TDRD6: variants seen among roughly 807,000 people sequenced by gnomAD.
TDRD6 encodes tudor domain-containing protein 6.
In TDRD6, 186 loss-of-function variants were observed where a neutral mutation model predicts 157.5. The observed-to-expected ratio is 1.18, with a 90% confidence interval of 1.05 to 1.33. The LOEUF (loss-of-function observed/expected upper bound fraction) is 1.33. Among genes scored for constraint, TDRD6 ranks in the 40% most tolerant of loss-of-function variants. The pLI is 0.00. For missense variants in TDRD6, 3,066 were observed against 2,508.0 expected, an observed-to-expected ratio of 1.22 and a Z score of -4.75; for synonymous variants, 1,075 against 945.2, an observed-to-expected ratio of 1.14 and a Z score of -2.52.
At chr6:46,698,187 G>A in intron 3 of TDRD6, 100 bp downstream of exon 3, 5 of 780,216 alleles carry the variant, frequency 6.4e-6, no homozygotes, top group East Asian at 5.4e-5. Context: ...TGGAAAAATG[G>A]GAGAAAAATC....
chr6:46,691,156 A>G lies in TDRD6; in HGVS notation c.3028A>G (p.Asn1010Asp). The G allele has an allele frequency of 6.2e-7, 1 of 1,613,724 alleles. No individual in the cohort carries two copies. The highest frequency in any genetic ancestry group is 8.5e-7 in the Non-Finnish European group (1 of 1,179,868). ...TTATTGCCAGCTGGCAAGAAATGCA[A>G]ATATTTTAGAACAGTTGTCATGTAG... is the stretch of plus-strand genomic sequence containing the variant. Reference protein sequence around the residue: ...TFYCQLARNANILEQLSCSIT... With the variant: ...TFYCQLARNADILEQLSCSIT... Residue 1010 changes from asparagine (N) to aspartate (D), a missense_variant, in exon 1 of 4, where the codon AAT becomes GAT. Transcript: ENST00000316081.
Position 46,702,471 on chromosome 6 carries a change from T to C in TDRD6, c.*584T>C, listed in dbSNP as rs970886276. The stretch of plus-strand genomic sequence containing the variant: ...TTAAAAAGGAAATAGAACTCTTAAA[T>C]ATACTTGGTTCCATCTCTCCTCTGT... On this transcript the variant is annotated 3_prime_UTR_variant, in exon 4 of 4. Transcript: ENST00000316081. 6.6e-6 allele frequency: 1 copy of C among 152,178 alleles called. No individual in the cohort carries two copies. Among genetic ancestry groups the C allele is most frequent in the Non-Finnish European group, 1.5e-5 (1 of 68,004 alleles). The allele number at this position is 152,178 out of a possible 1,614,324, so 9.4% of individuals were successfully genotyped here.
Position 46,692,611 on chromosome 6 carries a change from G to T in TDRD6, c.4483G>T (p.Ala1495Ser). The change falls in exon 1 of 4, where the codon GCC becomes TCC. Residue 1495 changes from alanine to serine, a missense_variant. Ala to Ser is a moderately conservative substitution (Grantham distance 99). Transcript: ENST00000316081. ...VELSTQVIKS[A>S]SSKSVNKSDI... ...ACTTTCTACCCAAGTAATTAAAAGT[G>T]CCAGTTCAAAGTCTGTTAACAAATC... 5 of 1,613,516 alleles carry T rather than the reference G, an allele frequency of 3.1e-6. No individual in the cohort carries two copies. Among genetic ancestry groups the T allele is most frequent in the South Asian group, 1.1e-5 (1 of 91,006 alleles).
At chr6:46,701,709 A>C in intron 3 of TDRD6, 149 bp from the exon 4 acceptor site, 1 of 583,594 alleles carries the variant, frequency 1.7e-6, no homozygotes, top group Admixed American at 3.2e-5. Flanking sequence ...TTGTTTCTAT[A>C]GAAATAATGC....
At position 46,693,861 on chromosome 6, in the gene TDRD6, A is replaced by C. The variant is rs558755198; in HGVS notation, c.5733A>C (p.Thr1911=). Reference sequence around the variant, plus strand: ...AACAGCCAGAACTAGAACTACCTACAGCCCAGCTGCCTTTAGATGACAAGA... The same window carrying C: ...AACAGCCAGAACTAGAACTACCTACCGCCCAGCTGCCTTTAGATGACAAGA... ...AEKQPELELP[T]AQLPLDDKMD... is the part of the protein sequence containing the mutation. The change falls in exon 1 of 4, where the codon ACA becomes ACC. Residue 1911 remains threonine (T), a synonymous_variant. Transcript: ENST00000316081. 3.1e-6 allele frequency: 5 copies of C among 1,614,214 alleles called. No individual in the cohort carries two copies. The East Asian group carries it at 1.1e-4, about 36-fold the overall frequency.
At position 46,693,221 on chromosome 6, in the gene TDRD6, ATTCT is replaced by A; in HGVS notation, c.5094_5097del (p.Tyr1698Ter). 6.2e-7 allele frequency: 1 copy of A among 1,612,970 alleles called. No homozygotes were observed. Among genetic ancestry groups the A allele is most frequent in the Non-Finnish European group, 8.5e-7 (1 of 1,179,684 alleles). On this transcript the variant is annotated frameshift_variant, in exon 1 of 4. Coordinates refer to ENST00000316081, the MANE Select transcript of TDRD6 (RefSeq NM_001010870.3). LOFTEE classifies it high-confidence loss of function. ...AGTATTAATGAGAAAATGGAGAAATATTCTAAGACTGGTATTAAAAGTGCTCTTC... is the reference window on the plus strand; with the variant it reads ...AGTATTAATGAGAAAATGGAGAAATAAAGACTGGTATTAAAAGTGCTCTTC...
Position 46,688,578 on chromosome 6 carries a change from GC to G in TDRD6, c.453del (p.Ala152ProfsTer99). ...GCTCAGGCGAGCCGCCGCAGCACTG[GC>G]CCGCCGACGCCGTGGACTTCCTTAG... ...AGSGEPPQHW[P>X]ADAVDFLSNL... is the part of the protein sequence containing the mutation. On this transcript the variant is annotated frameshift_variant, in exon 1 of 4. Coordinates refer to ENST00000316081, the MANE Select transcript of TDRD6 (RefSeq NM_001010870.3). LOFTEE classifies it high-confidence loss of function. The G allele has an allele frequency of 1.9e-6, 3 of 1,596,652 alleles. No individual in the cohort carries two copies. The highest frequency in any genetic ancestry group is 2.5e-6 in the Non-Finnish European group (3 of 1,178,472).
upstream of TDRD6, among the ~76,000 whole-genome samples, chr6:46,685,135 A>T (rs1486406241): frequency 6.8e-6 from 1 of 147,806 alleles, no homozygotes; most frequent in African/African-American, 2.5e-5. Flanking sequence ...TTTCAAATTT[A>T]TTTTTTTTAC....
Position 46,692,249 on chromosome 6 carries a change from T to C in TDRD6, c.4121T>C (p.Ile1374Thr). 1 of 1,614,050 alleles carries C rather than the reference T, an allele frequency of 6.2e-7. No individual in the cohort carries two copies. The highest frequency in any genetic ancestry group is 1.6e-4 in the Middle Eastern group (1 of 6,062). ...GATAATTTATGGTATCGTGCTGTGA[T>C]CAAGGAGCAACAACCCAATGACCTT... ...PEDNLWYRAV[I>T]KEQQPNDLLS... Residue 1374 changes from isoleucine (I) to threonine (T), a missense_variant, in exon 1 of 4, where the codon ATC (isoleucine) becomes ACC (threonine). By Grantham distance (89) the Ile-to-Thr change is moderately conservative. Coordinates refer to ENST00000316081, the MANE Select transcript of TDRD6 (RefSeq NM_001010870.3).
rs763042409 is a variant in TDRD6, at chr6:46,691,767, T to C, written c.3639T>C (p.Tyr1213=). 8.1e-6 allele frequency: 13 copies of C among 1,595,598 alleles called. No homozygotes were observed. The Admixed American group carries it at 1.3e-4, about 16-fold the overall frequency. Residue 1213 remains tyrosine, a synonymous_variant, in exon 1 of 4, where the codon TAT becomes TAC. Transcript: ENST00000316081. The part of the protein sequence containing the change: ...LPNKEILEES[Y]KPQINSSYKE... ...ATAAAGAAATTTTGGAAGAGTCATATAAACCTCAGATCAACTCATCATACA... is the reference window on the plus strand; with the variant it reads ...ATAAAGAAATTTTGGAAGAGTCATACAAACCTCAGATCAACTCATCATACA...
chr6:46,688,955 T>C lies in TDRD6; in HGVS notation c.827T>C (p.Ile276Thr), dbSNP rs1286970162. ...CAGCTCCGCAGCGTCTCGCAGGAGA[T>C]CCACCGCCTCTCCGAGAGCATGGCC... Reference protein sequence around the residue: ...HCQLRSVSQEIHRLSESMAQV... With the variant: ...HCQLRSVSQETHRLSESMAQV... The change falls in exon 1 of 4, where the codon ATC becomes ACC. Residue 276 changes from isoleucine (I) to threonine (T), a missense_variant. Coordinates refer to ENST00000316081, the MANE Select transcript of TDRD6 (RefSeq NM_001010870.3). The C allele has an allele frequency of 1.9e-6, 3 of 1,612,714 alleles. No individual in the cohort carries two copies. The South Asian group carries it at 3.3e-5, about 18-fold the overall frequency.
chr6:46,682,055 T>C, the TDRD6 span, among the ~76,000 whole-genome samples: 1 of 152,112 alleles, frequency 6.6e-6, no homozygotes, highest in African/African-American at 2.4e-5. Flanking sequence ...GTAAGTTTTG[T>C]TTTACGTATA....
chr6:46,694,688 T>C (rs923259922), intron 1 of TDRD6, among the ~76,000 whole-genome samples: 9 of 152,214 alleles, frequency 5.9e-5, no homozygotes, highest in South Asian at 4.1e-4. Context: ...CACTGAAATA[T>C]TAGTTTTGTG....
rs1230456845 is a variant in TDRD6, at chr6:46,693,809, A to G, written c.5681A>G (p.Gln1894Arg). 6.2e-7 allele frequency: 1 copy of G among 1,614,220 alleles called. No homozygotes were observed. The highest frequency in any genetic ancestry group is 8.5e-7 in the Non-Finnish European group (1 of 1,180,030). ...TKGAMELFTL[Q>R]LPLSCEAEKQ... The stretch of plus-strand genomic sequence containing the variant: ...GGCGCCATGGAGCTATTTACACTGC[A>G]GCTTCCTCTCAGCTGTGAAGCTGAG... Residue 1894 changes from glutamine to arginine, a missense_variant, in exon 1 of 4, where the codon CAG (glutamine) becomes CGG (arginine). Physicochemically the swap from Gln to Arg is conservative, Grantham distance 43. Transcript: ENST00000316081.
At chr6:46,685,445 T>A (rs546722355), upstream of TDRD6, among the ~76,000 whole-genome samples, 16 of 152,288 alleles carry the variant, frequency 1.1e-4, no homozygotes, top group African/African-American at 3.9e-4. Flanking sequence ...TTAGCCCAAT[T>A]TTCCTGCATC....
At position 46,690,751 on chromosome 6, in the gene TDRD6, G is replaced by T; in HGVS notation, c.2623G>T (p.Val875Phe). 1 of 1,614,146 alleles carries T rather than the reference G, an allele frequency of 6.2e-7. No homozygotes were observed. Among genetic ancestry groups the T allele is most frequent in the Non-Finnish European group, 8.5e-7 (1 of 1,180,002 alleles). Reference sequence around the variant, plus strand: ...TTCAATTAGTGAAGAATTTCTGAAGGTTAAGGCACAGGCTTTTAGGTGCAG... The same window carrying T: ...TTCAATTAGTGAAGAATTTCTGAAGTTTAAGGCACAGGCTTTTAGGTGCAG... ...IYSISEEFLK[V>F]KAQAFRCSLY... is the part of the protein sequence containing the mutation. The change falls in exon 1 of 4, where the codon GTT becomes TTT. Residue 875 changes from valine to phenylalanine, a missense_variant. Transcript: ENST00000316081.
chr6:46,688,376 G>T lies in TDRD6; in HGVS notation c.248G>T (p.Arg83Leu). The change falls in exon 1 of 4, where the codon CGC (arginine) becomes CTC (leucine). Residue 83 changes from arginine to leucine, a missense_variant. Coordinates refer to ENST00000316081, the MANE Select transcript of TDRD6 (RefSeq NM_001010870.3). ...GTGCAGGTCGGGCTTTTGTGGCACCGCTGCCGCGTGGTCAGCCGGCAGGCA... is the reference window on the plus strand; with the variant it reads ...GTGCAGGTCGGGCTTTTGTGGCACCTCTGCCGCGTGGTCAGCCGGCAGGCA... Reference protein sequence around the residue: ...CLVQVGLLWHRCRVVSRQAQE... With the variant: ...CLVQVGLLWHLCRVVSRQAQE... 6.5e-7 allele frequency: 1 copy of T among 1,534,656 alleles called. No individual in the cohort carries two copies. Among genetic ancestry groups the T allele is most frequent in the Non-Finnish European group, 8.7e-7 (1 of 1,144,704 alleles).
At position 46,689,084 on chromosome 6, in the gene TDRD6, C is replaced by T. The variant is rs1184065409; in HGVS notation, c.956C>T (p.Ser319Phe). 1.9e-6 allele frequency: 3 copies of T among 1,614,022 alleles called. No homozygotes were observed. The highest frequency in any genetic ancestry group is 1.7e-6 in the Non-Finnish European group (2 of 1,180,046). ...SPDKPGSPCA[S>F]CGLDGHWYRA... ...GATAAGCCGGGCTCTCCGTGTGCAT[C>T]CTGTGGCCTGGATGGACATTGGTAC... The change falls in exon 1 of 4, where the codon TCC (serine) becomes TTC (phenylalanine). Residue 319 changes from serine (S) to phenylalanine (F), a missense_variant. Ser to Phe is a radical substitution (Grantham distance 155). Transcript: ENST00000316081.
At chr6:46,697,690 CA>C (rs1764530647) in intron 2 of TDRD6, among the ~76,000 whole-genome samples, 1 of 107,372 alleles carries the variant, frequency 9.3e-6, no homozygotes, top group Admixed American at 9.4e-5. Context: ...AGTTTGAGAC[CA>C]GACTGGGCAG....
Sources: allele counts gnomAD v4.1 joint callset (sites outside exome capture counted in the v4.1 genomes callset), GRCh38; gene constraint gnomAD v4.1.1; transcripts MANE v1.5; gene names NCBI Gene and HGNC (gene_info 2026-07-23, HGNC 2026-07-21).